ANKRD52: variants seen among roughly 807,000 people sequenced by gnomAD.
ANKRD52 encodes ankyrin repeat domain 52.
Under a neutral mutation model 116.0 loss-of-function variants are expected in ANKRD52, and 7 were observed. The observed-to-expected ratio is 0.06, with a 90% confidence interval of 0.03 to 0.11. ANKRD52 has a LOEUF of 0.11. Among genes scored for constraint, ANKRD52 ranks in the 10% least tolerant of loss-of-function variants. The pLI, the probability that ANKRD52 is intolerant of heterozygous loss-of-function variation, is 1.00. For synonymous variants in ANKRD52, 528 were observed against 578.1 expected (o/e 0.91, Z 1.24); for missense variants, 839 against 1,408.6 (o/e 0.60, Z 6.47).
At position 56,254,608 on chromosome 12, in the gene ANKRD52, C is replaced by A. The variant is rs762764215; in HGVS notation, c.663G>T (p.Val221=). 6.3e-5 allele frequency: 102 copies of A among 1,613,876 alleles called. No homozygotes were observed. The highest frequency in any genetic ancestry group is 8.4e-5 in the Non-Finnish European group (99 of 1,179,888). ...CTCCCATCCGAAGCAGGTACTTCAC[C>A]ACTTCAATCTGGCCACTGGCAGCAG... ...HTAAASGQIE[V]VKYLLRMGAE... is the part of the protein sequence containing the mutation. The change falls in exon 7 of 28, where the codon GTG becomes GTT. Residue 221 remains valine, a synonymous_variant. Coordinates refer to ENST00000267116, the MANE Select transcript of ANKRD52 (RefSeq NM_173595.4). This position sits in a 1 kb window ranked among gnomAD's most constrained non-coding sequence, Gnocchi z 4.6.
chr12:56,244,356 G>C lies in ANKRD52; in HGVS notation c.2802C>G (p.Ser934Arg). ...CCCAATCACTTCAGGTAAGTACCTTGCTACAAGCCAAGTGGAGGGCCGTGT... is the reference window on the plus strand; with the variant it reads ...CCCAATCACTTCAGGTAAGTACCTTCCTACAAGCCAAGTGGAGGGCCGTGT... ...NKNTALHLAC[S>R]KGHEKCALMI... The change falls in exon 25 of 28, where the codon AGC (serine) becomes AGG (arginine). Residue 934 changes from serine (S) to arginine (R), a missense_variant. Coordinates refer to ENST00000267116, the MANE Select transcript of ANKRD52 (RefSeq NM_173595.4). The surrounding 1 kb of genome is among the most constrained non-coding windows in gnomAD (Gnocchi z 4.9). 1 of 1,613,880 alleles carries C rather than the reference G, an allele frequency of 6.2e-7. No individual in the cohort carries two copies. Among genetic ancestry groups the C allele is most frequent in the Non-Finnish European group, 8.5e-7 (1 of 1,179,818 alleles).
intron 18 of ANKRD52, 90 bp downstream of exon 18, chr12:56,247,933 C>G: frequency 1.4e-6 from 2 of 1,409,120 alleles, no homozygotes; most frequent in Non-Finnish European, 1.9e-6. Context: ...TCTCCATTCT[C>G]CTCACCCTAC....
rs1871297312 is a variant in ANKRD52, at chr12:56,244,335, A to G, written c.2805+18T>C. ...GCTCTGCCCCTTATGCAGTCCCCCAATCACTTCAGGTAAGTACCTTGCTAC... is the reference window on the plus strand; with the variant it reads ...GCTCTGCCCCTTATGCAGTCCCCCAGTCACTTCAGGTAAGTACCTTGCTAC... On this transcript the variant is annotated intron_variant, in intron 25 of 27. Transcript: ENST00000267116. This position sits in a 1 kb window ranked among gnomAD's most constrained non-coding sequence, Gnocchi z 4.9. 2.5e-6 allele frequency: 4 copies of G among 1,612,746 alleles called. No homozygotes were observed. Among genetic ancestry groups the G allele is most frequent in the South Asian group, 1.1e-5 (1 of 91,036 alleles).
Position 56,253,313 on chromosome 12 carries a change from T to C in ANKRD52, c.1075A>G (p.Met359Val), listed in dbSNP as rs759144187. The C allele has an allele frequency of 6.2e-7, 1 of 1,613,780 alleles. No homozygotes were observed. Among genetic ancestry groups the C allele is most frequent in the African/African-American group, 1.3e-5 (1 of 74,938 alleles). The change falls in exon 10 of 28, where the codon ATG becomes GTG. Residue 359 changes from methionine (M) to valine (V), a missense_variant. Met to Val is a conservative substitution (Grantham distance 21, BLOSUM62 1). Coordinates refer to ENST00000267116, the MANE Select transcript of ANKRD52 (RefSeq NM_173595.4). The surrounding 1 kb of genome is among the most constrained non-coding windows in gnomAD (Gnocchi z 5.5). ...CGGGCGGTATCTGCGCCATTGGTCA[T>C]GAGGGTGCTGATGAGCAGCTCGTGT... The part of the protein sequence containing the change: ...YGHELLISTL[M>V]TNGADTARRG...
Position 56,242,741 on chromosome 12 carries a change from G to T in ANKRD52, c.*401C>A. ...CGAGCAGGGAGGCAGTGATGGGTAT[G>T]GAAGAAGAGGGGATCTGCCTGGCAG... On this transcript the variant is annotated 3_prime_UTR_variant, in exon 28 of 28. Coordinates refer to ENST00000267116, the MANE Select transcript of ANKRD52 (RefSeq NM_173595.4). The surrounding 1 kb of genome is among the most constrained non-coding windows in gnomAD (Gnocchi z 4.3). 4.6e-6 allele frequency: 1 copy of T among 215,758 alleles called. No individual in the cohort carries two copies. The highest frequency in any genetic ancestry group is 9.3e-6 in the Non-Finnish European group (1 of 107,314). The allele number at this position is 215,758 out of a possible 1,614,324, so 13.4% of individuals were successfully genotyped here. A position where few individuals can be genotyped will look rare whatever the true frequency, so the allele number is the denominator to read the frequency against.
rs1157149322 is a variant in ANKRD52 at position 56,241,727 on chromosome 12, A to G, written c.*1415T>C. 2 of 350,872 alleles carry G rather than the reference A, an allele frequency of 5.7e-6. No homozygotes were observed. The highest frequency in any genetic ancestry group is 4.2e-5 in the African/African-American group (2 of 47,728). The allele number at this position is 350,872 out of a possible 1,614,324, so 21.7% of individuals were successfully genotyped here. A position where few individuals can be genotyped will look rare whatever the true frequency, so the allele number is the denominator to read the frequency against. On this transcript the variant is annotated 3_prime_UTR_variant, in exon 28 of 28. Coordinates refer to ENST00000267116, the MANE Select transcript of ANKRD52 (RefSeq NM_173595.4). ...ACACTGGGCTGCAGGAGTGGGTCCA[A>G]CTGTCCAGGAGGCTGCACTAGGAGA...
chr12:56,242,983 TGTGGCAAAGGG>T lies in ANKRD52; in HGVS notation c.*148_*158del. On this transcript the variant is annotated 3_prime_UTR_variant, in exon 28 of 28. Coordinates refer to ENST00000267116, the MANE Select transcript of ANKRD52 (RefSeq NM_173595.4). The surrounding 1 kb of genome is among the most constrained non-coding windows in gnomAD (Gnocchi z 4.3). The stretch of plus-strand genomic sequence containing the variant: ...CCAGACCCCTGCCAGGCCAAGATGG[TGTGGCAAAGGG>T]GTGAGCAGCTGCTCCCCAGGGCTTC... 9.3e-7 allele frequency: 1 copy of T among 1,080,046 alleles called. No individual in the cohort carries two copies. Among genetic ancestry groups the T allele is most frequent in the South Asian group, 1.7e-5 (1 of 57,652 alleles). The allele number at this position is 1,080,046 out of a possible 1,614,324, so 66.9% of individuals were successfully genotyped here. A position where few individuals can be genotyped will look rare whatever the true frequency, so the allele number is the denominator to read the frequency against.
Position 56,244,851 on chromosome 12 carries a change from C to A in ANKRD52, c.2577-54G>T. The stretch of plus-strand genomic sequence containing the variant: ...AATAGGGAAGAGTATACTGCCCAAG[C>A]AGAAAGGGGAAGCCAGAGGCAACTG... On this transcript the variant is annotated intron_variant, in intron 23 of 27. Transcript: ENST00000267116. This position sits in a 1 kb window ranked among gnomAD's most constrained non-coding sequence, Gnocchi z 4.9. 6.2e-7 allele frequency: 1 copy of A among 1,613,894 alleles called. No homozygotes were observed. Among genetic ancestry groups the A allele is most frequent in the Non-Finnish European group, 8.5e-7 (1 of 1,179,840 alleles).
rs1871817854 is a variant in ANKRD52, at chr12:56,253,894, G to A, written c.907-94C>T. 1.4e-6 allele frequency: 2 copies of A among 1,439,240 alleles called. No individual in the cohort carries two copies. The highest frequency in any genetic ancestry group is 9.7e-7 in the Non-Finnish European group (1 of 1,032,708). The allele number at this position is 1,439,240 out of a possible 1,614,324, so 89.2% of individuals were successfully genotyped here. On this transcript the variant is annotated intron_variant, in intron 8 of 27. Transcript: ENST00000267116. The surrounding 1 kb of genome is among the most constrained non-coding windows in gnomAD (Gnocchi z 5.5). ...TCCCTTCCAAGGACATATCTCTAAG[G>A]ACAAAAGGGTCATATGGCACCTTCT...
chr12:56,246,071 C>A (rs1012061053), intron 20 of ANKRD52, among the ~76,000 whole-genome samples: 1 of 151,572 alleles, frequency 6.6e-6, no homozygotes, highest in Admixed American at 6.6e-5. Context: ...ACTCTGTCAC[C>A]CAGGCTGGAG....
rs1382520195 is a variant in ANKRD52, at chr12:56,239,769, C to T, written c.*3373G>A. The stretch of plus-strand genomic sequence containing the variant: ...TCCACCCCACCTCCAGCCTCTTCTC[C>T]CCTTCTAGGTCCAGGGAGTAAGAAG... On this transcript the variant is annotated 3_prime_UTR_variant, in exon 28 of 28. Transcript: ENST00000267116. The T allele has an allele frequency of 6.6e-6, 1 of 152,282 alleles. No individual in the cohort carries two copies. Among genetic ancestry groups the T allele is most frequent in the African/African-American group, 2.4e-5 (1 of 41,420 alleles). 9.4% of individuals were successfully genotyped at this position (152,282 alleles called of 1,614,324 possible).
intron 20 of ANKRD52, among the ~76,000 whole-genome samples, chr12:56,247,027 G>A (rs576288793): frequency 6.7e-6 from 1 of 150,240 alleles, no homozygotes; most frequent in African/African-American, 2.4e-5. Context: ...AACTCATCCT[G>A]GAGCAAGCAC....
chr12:56,257,383 G>A (rs768037921), intron 2 of ANKRD52, 22 bp from the exon 3 acceptor site: 1 of 1,564,818 alleles, frequency 6.4e-7, no homozygotes, highest in Non-Finnish European at 8.7e-7. Flanking sequence ...AAAAAGAGCA[G>A]GGAGTATGGG....
rs78915481 is a variant in ANKRD52, at chr12:56,254,677, G to A, written c.594C>T (p.Asp198=). The part of the protein sequence containing the change: ...VLKLLVARGA[D]LGCKDRKGYG... ...AGCCCTTGCGGTCCTTGCAGCCGAG[G>A]TCTGCTCCCCGTGCCACCAGCAGTT... Residue 198 remains aspartate, a synonymous_variant, in exon 7 of 28, where the codon GAC becomes GAT. Transcript: ENST00000267116. The surrounding 1 kb of genome is among the most constrained non-coding windows in gnomAD (Gnocchi z 4.6). The A allele has an allele frequency of 1.2e-6, 2 of 1,613,268 alleles. No individual in the cohort carries two copies. The highest frequency in any genetic ancestry group is 1.7e-6 in the Non-Finnish European group (2 of 1,179,396).
At position 56,253,112 on chromosome 12, in the gene ANKRD52, C is replaced by A. The variant is rs1871781586; in HGVS notation, c.1101-26G>T. 1 of 1,545,374 alleles carries A rather than the reference C, an allele frequency of 6.5e-7. No homozygotes were observed. The highest frequency in any genetic ancestry group is 2.4e-5 in the East Asian group (1 of 42,462). ...CTAGAGAGAAGTTGAGGGACTCAGT[C>A]CTTGGGTCAAGGAGGGACCAAGTAA... On this transcript the variant is annotated intron_variant, in intron 10 of 27. Transcript: ENST00000267116. This position sits in a 1 kb window ranked among gnomAD's most constrained non-coding sequence, Gnocchi z 5.5.
intron 4 of ANKRD52, among the ~76,000 whole-genome samples, chr12:56,256,693 A>T (rs1196039438): frequency 2.6e-5 from 4 of 152,196 alleles, no homozygotes; most frequent in Non-Finnish European, 4.4e-5. Context: ...CCTCCATCAC[A>T]AGGAAAAGAA....
Position 56,242,928 on chromosome 12 carries a change from A to C in ANKRD52, c.*214T>G. On this transcript the variant is annotated 3_prime_UTR_variant, in exon 28 of 28. Coordinates refer to ENST00000267116, the MANE Select transcript of ANKRD52 (RefSeq NM_173595.4). The surrounding 1 kb of genome is among the most constrained non-coding windows in gnomAD (Gnocchi z 4.3). ...TGGCAGAAGGGGTCGCCCTGGGGGT[A>C]CCAAGGGCCTGGGGTGCTCCCTGTC... 1.6e-6 allele frequency: 1 copy of C among 618,032 alleles called. No individual in the cohort carries two copies. Among genetic ancestry groups the C allele is most frequent in the East Asian group, 2.9e-5 (1 of 34,916 alleles). 38.3% of individuals were successfully genotyped at this position (618,032 alleles called of 1,614,324 possible). A position where few individuals can be genotyped will look rare whatever the true frequency, so the allele number is the denominator to read the frequency against.
chr12:56,244,242 G>T lies in ANKRD52; in HGVS notation c.2806-109C>A, dbSNP rs1871292088. On this transcript the variant is annotated intron_variant, in intron 25 of 27. Transcript: ENST00000267116. This position sits in a 1 kb window ranked among gnomAD's most constrained non-coding sequence, Gnocchi z 4.9. ...GGACAAACAGCTGCCCAACCAGTCG[G>T]ATAGGCTGGACAATCCTCACTTCTG... The T allele has an allele frequency of 6.6e-7, 1 of 1,524,464 alleles. No individual in the cohort carries two copies. 94.4% of individuals were successfully genotyped at this position (1,524,464 alleles called of 1,614,324 possible). A position where few individuals can be genotyped will look rare whatever the true frequency, so the allele number is the denominator to read the frequency against.
chr12:56,248,900 G>T lies in ANKRD52; in HGVS notation c.1593-30C>A. 1 of 1,507,054 alleles carries T rather than the reference G, an allele frequency of 6.6e-7. No individual in the cohort carries two copies. The highest frequency in any genetic ancestry group is 2.4e-5 in the East Asian group (1 of 41,558). The allele number at this position is 1,507,054 out of a possible 1,614,324, so 93.4% of individuals were successfully genotyped here. A position where few individuals can be genotyped will look rare whatever the true frequency, so the allele number is the denominator to read the frequency against. On this transcript the variant is annotated intron_variant, in intron 15 of 27. Coordinates refer to ENST00000267116, the MANE Select transcript of ANKRD52 (RefSeq NM_173595.4). The surrounding 1 kb of genome is among the most constrained non-coding windows in gnomAD (Gnocchi z 5.1). Reference sequence around the variant, plus strand: ...GGAGCCGGGGGTAGACTGTGAGGCAGGGACAGGCCCAGCCCAGGAGGGCAC... The same window carrying T: ...GGAGCCGGGGGTAGACTGTGAGGCATGGACAGGCCCAGCCCAGGAGGGCAC...
Sources: gnomAD v4.1 joint callset for allele counts (sites outside exome capture counted in the v4.1 genomes callset) on GRCh38, gnomAD v4.1.1 for gene constraint, Gnocchi (gnomAD v3.1) non-coding constraint, MANE v1.5 for transcripts, NCBI Gene and HGNC (gene_info 2026-07-23, HGNC 2026-07-21) for gene names.